SNED1: variants seen among roughly 807,000 people sequenced by gnomAD.
The protein encoded by SNED1 is sushi, nidogen and EGF like domains 1.
Under a neutral mutation model 166.7 loss-of-function variants are expected in SNED1, and 81 were observed. The ratio of observed to expected loss-of-function variants is 0.49; its 90% CI spans 0.41 to 0.58. SNED1 has a LOEUF of 0.58. Among genes scored for constraint, SNED1 ranks in the 20% least tolerant of loss-of-function variants. The probability of loss-of-function intolerance (pLI) is 0.00; values close to 1 mark genes in which losing one functional copy is unlikely to be tolerated. For synonymous variants in SNED1, 762 were observed against 822.0 expected (o/e 0.93, Z 1.25); for missense variants, 1,604 against 2,000.2 (o/e 0.80, Z 3.78).
chr2:241,056,475 G>GA (rs1218676900), intron 16 of SNED1, among the ~76,000 whole-genome samples: 4 of 131,070 alleles, frequency 3.1e-5, no homozygotes, highest in Admixed American at 7.6e-5. Context: ...TACAACAGAA[G>GA]AAAAAAAACC....
rs147087426 is a variant in SNED1, at chr2:241,000,478, G to C, written c.213+1428G>C. Among the ~76,000 whole-genome samples the C allele has an allele frequency of 1.6e-4, 24 of 152,312 alleles. No individual in the cohort carries two copies. In the East Asian group the frequency reaches 4.6e-3, roughly 29 times the overall value. On this transcript the variant is annotated intron_variant, in intron 1 of 31. Coordinates refer to ENST00000310397, the MANE Select transcript of SNED1 (RefSeq NM_001080437.3). ...TAGGACAGAATGGTGCTCAGCGTTG[G>C]CCCGAGCTGGAGGAGGCCTGTCCAC...
chr2:241,088,677 GA>G, intron 31 of SNED1: 1 of 461,874 alleles, frequency 2.2e-6, no homozygotes, highest in Non-Finnish European at 3.8e-6. Context: ...TCTCTCAAGG[GA>G]AATGTGGCCA....
intron 26 of SNED1, chr2:241,072,106 G>C (rs2062757975): frequency 1.4e-6 from 1 of 699,304 alleles, no homozygotes; most frequent in Non-Finnish European, 2.6e-6. Flanking sequence ...TCAGTGTGTG[G>C]GCTGGAGGCG....
At chr2:241,072,484 C>G (rs1159059844) in intron 26 of SNED1, 1 of 343,916 alleles carries the variant, frequency 2.9e-6, no homozygotes, top group Non-Finnish European at 5.7e-6. Flanking sequence ...TGGCCCTTGC[C>G]TCTCACCTGG....
chr2:241,078,904 A>G (rs2063181148), intron 27 of SNED1, among the ~76,000 whole-genome samples: 1 of 148,866 alleles, frequency 6.7e-6, no homozygotes, highest in Admixed American at 6.7e-5. Flanking sequence ...ACTTGAGGTC[A>G]GGAGTTCGAG....
chr2:241,046,828 G>T (rs374410980), intron 8 of SNED1, among the ~76,000 whole-genome samples: 1 of 152,122 alleles, frequency 6.6e-6, no homozygotes, highest in African/African-American at 2.4e-5. Flanking sequence ...TTGAAAGCAC[G>T]TGAAGAAACT....
chr2:241,068,893 G>C lies in SNED1; in HGVS notation c.3195-18G>C. On this transcript the variant is annotated intron_variant, in intron 22 of 31. Coordinates refer to ENST00000310397, the MANE Select transcript of SNED1 (RefSeq NM_001080437.3). The surrounding 1 kb of genome is among the most constrained non-coding windows in gnomAD (Gnocchi z 5.3). ...TCCCAGACATCCCTGTTCTCTCTTT[G>C]TCACCTCCTGCCCACAGGGCCCTGC... The C allele has an allele frequency of 1.3e-6, 2 of 1,519,146 alleles. No homozygotes were observed. The highest frequency in any genetic ancestry group is 1.8e-6 in the Non-Finnish European group (2 of 1,120,914). The allele number at this position is 1,519,146 out of a possible 1,614,324, so 94.1% of individuals were successfully genotyped here.
In SNED1 at chr2:241,073,238, C is replaced by T. The variant is rs549998580; in HGVS notation, c.3818-28C>T. ...CATCCCGGGTGCAAAGCAGCTGCGCCGTGTGGTCACCGCCTGGCTTCTCCT... is the reference window on the plus strand; with the variant it reads ...CATCCCGGGTGCAAAGCAGCTGCGCTGTGTGGTCACCGCCTGGCTTCTCCT... On this transcript the variant is annotated intron_variant, in intron 26 of 31. Transcript: ENST00000310397. This position sits in a 1 kb window ranked among gnomAD's most constrained non-coding sequence, Gnocchi z 6.6. The T allele has an allele frequency of 7.9e-6, 12 of 1,523,392 alleles. No individual in the cohort carries two copies. The highest frequency in any genetic ancestry group is 6.0e-5 in the South Asian group (5 of 83,530). 94.4% of individuals were successfully genotyped at this position (1,523,392 alleles called of 1,614,324 possible). A position where few individuals can be genotyped will look rare whatever the true frequency, so the allele number is the denominator to read the frequency against.
Position 241,095,060 on chromosome 2 carries a change from GCCCCCCCCC to G in SNED1, c.*3431_*3439del, listed in dbSNP as rs10573691. On this transcript the variant is annotated 3_prime_UTR_variant, in exon 32 of 32. Transcript: ENST00000310397. ...CTCATTGAGTTCCCTAAGGTGACACGCCCCCCCCCCCCCCCACACCCACCTTGGGGGGTC... is the reference window on the plus strand; with the variant it reads ...CTCATTGAGTTCCCTAAGGTGACACGCCCCCCACACCCACCTTGGGGGGTC... 1.1e-5 allele frequency: 1 copy of G among 90,298 alleles called. No individual in the cohort carries two copies. Among genetic ancestry groups the G allele is most frequent in the African/African-American group, 3.3e-5 (1 of 30,738 alleles). The allele number at this position is 90,298 out of a possible 1,614,324, so 5.6% of individuals were successfully genotyped here.
chr2:241,082,179 A>G (rs1357890993), intron 28 of SNED1, 98 bp from the exon 29 acceptor site: 3 of 932,240 alleles, frequency 3.2e-6, no homozygotes, highest in East Asian at 2.4e-5. Flanking sequence ...AAGCCAGCCT[A>G]AGGACCCCCG....
At chr2:241,056,839 C>T (rs919408111) in intron 16 of SNED1, among the ~76,000 whole-genome samples, 1 of 151,952 alleles carries the variant, frequency 6.6e-6, no homozygotes, top group African/African-American at 2.4e-5. Flanking sequence ...CCTCAGCCTC[C>T]CACAGTGCTG....
intron 16 of SNED1, among the ~76,000 whole-genome samples, chr2:241,058,813 G>A (rs867191594): frequency 2.0e-5 from 3 of 152,136 alleles, no homozygotes; most frequent in Non-Finnish European, 2.9e-5. Context: ...AGCTGGGCGA[G>A]GTGGCGGGCG....
At chr2:241,005,682 AT>A (rs1342501923) in intron 1 of SNED1, among the ~76,000 whole-genome samples, 1 of 151,602 alleles carries the variant, frequency 6.6e-6, no homozygotes, top group East Asian at 1.9e-4. Context: ...CTGACTTTGG[AT>A]TTTGTTTGTG....
chr2:241,027,159 C>G (rs1329337324), intron 1 of SNED1, among the ~76,000 whole-genome samples: 1 of 152,030 alleles, frequency 6.6e-6, no homozygotes, highest in East Asian at 1.9e-4. Flanking sequence ...TGGCTCACTG[C>G]AACCTCCACC....
intron 8 of SNED1, 52 bp downstream of exon 8, chr2:241,040,465 G>A (rs904452796): frequency 5.5e-5 from 65 of 1,175,014 alleles, no homozygotes; most frequent in South Asian, 4.6e-4. Flanking sequence ...GCTTTGTGCC[G>A]TGAACACCCC....
At chr2:241,023,025 A>C (rs970869853) in intron 1 of SNED1, among the ~76,000 whole-genome samples, 1 of 151,930 alleles carries the variant, frequency 6.6e-6, no homozygotes. Flanking sequence ...TTGATGATTC[A>C]CTTTATTCAG....
At position 241,065,452 on chromosome 2, in the gene SNED1, A is replaced by T; in HGVS notation, c.2867A>T (p.Asp956Val). The change falls in exon 21 of 32, where the codon GAC becomes GTC. Residue 956 changes from aspartate to valine, a missense_variant. Physicochemically the swap from Asp to Val is radical, Grantham distance 152 (BLOSUM62 -3). Transcript: ENST00000310397. ...VSSDGSYRRT[D>V]FVDRTRSSHQ... The stretch of plus-strand genomic sequence containing the variant: ...TCCGACGGCTCCTACCGCCGCACAG[A>T]CTTTGTGGACAGGACCCGCTCCTCG... 6.2e-7 allele frequency: 1 copy of T among 1,612,976 alleles called. No individual in the cohort carries two copies. The highest frequency in any genetic ancestry group is 8.5e-7 in the Non-Finnish European group (1 of 1,179,828).
At chr2:241,061,964 G>A (rs1387222679) in intron 16 of SNED1, among the ~76,000 whole-genome samples, 1 of 152,166 alleles carries the variant, frequency 6.6e-6, no homozygotes, top group South Asian at 2.1e-4. Flanking sequence ...ACTGTGTAAT[G>A]TTATTCAGCA....
chr2:241,049,047 G>C lies in SNED1; in HGVS notation c.1530G>C (p.Met510Ile), dbSNP rs1385482539. 2.5e-6 allele frequency: 4 copies of C among 1,613,228 alleles called. No homozygotes were observed. In the African/African-American group the frequency reaches 5.3e-5, roughly 22 times the overall value. ...EFEITAMPCN[M>I]NTQCPDGGYC... The stretch of plus-strand genomic sequence containing the variant: ...AAATCACAGCCATGCCCTGCAACAT[G>C]AACACACAGTGCCCAGATGGGGGCT... The change falls in exon 11 of 32, where the codon ATG becomes ATC. Residue 510 changes from methionine to isoleucine, a missense_variant. Coordinates refer to ENST00000310397, the MANE Select transcript of SNED1 (RefSeq NM_001080437.3).
Sources: allele counts gnomAD v4.1 joint callset (sites outside exome capture counted in the v4.1 genomes callset), GRCh38; gene constraint gnomAD v4.1.1; non-coding constraint Gnocchi (gnomAD v3.1); transcripts MANE v1.5; gene names NCBI Gene and HGNC (gene_info 2026-07-23, HGNC 2026-07-21).